Variants in CDH2 observed in about 807,000 individuals in gnomAD.
CDH2 encodes the protein cadherin 2.
In CDH2, 17 loss-of-function variants were observed where a neutral mutation model predicts 92.0. The observed-to-expected ratio is 0.18, with a 90% CI of 0.13 to 0.28. The LOEUF is 0.28. Ranked by LOEUF, CDH2 falls within the 10% of genes least tolerant of loss-of-function variation. The probability of loss-of-function intolerance (pLI) is 1.00; values close to 1 mark genes in which losing one functional copy is unlikely to be tolerated. For synonymous variants in CDH2, 419 were observed against 415.9 expected (o/e 1.01, Z -0.09); for missense variants, 862 against 1,133.1 (o/e 0.76, Z 3.44).
intron 6 of CDH2, among the ~76,000 whole-genome samples, chr18:27,940,919 T>C (rs559865749): frequency 3.9e-5 from 6 of 152,136 alleles, no homozygotes; most frequent in Non-Finnish European, 8.8e-5. Flanking sequence ...GCTCCATCTC[T>C]GACCTGTTTC....
chr18:27,996,129 C>T (rs1025546219), intron 7 of CDH2, among the ~76,000 whole-genome samples: 2 of 152,116 alleles, frequency 1.3e-5, no homozygotes, highest in African/African-American at 2.4e-5. Flanking sequence ...CCTTCCCTCT[C>T]CGAAACTCGC....
chr18:28,151,000 G>A (rs2016112309), intron 1 of CDH2, among the ~76,000 whole-genome samples: 1 of 152,184 alleles, frequency 6.6e-6, no homozygotes, highest in African/African-American at 2.4e-5. Flanking sequence ...CTCCCAGCTG[G>A]ACATAGTGGA....
intron 1 of CDH2, among the ~76,000 whole-genome samples, chr18:28,175,644 C>A (rs1454736801): frequency 6.6e-6 from 1 of 152,130 alleles, no homozygotes; most frequent in Non-Finnish European, 1.5e-5. Flanking sequence ...CGGGCCGGAG[C>A]GCGCCAGGCC....
intron 2 of CDH2, among the ~76,000 whole-genome samples, chr18:28,133,743 A>G (rs1366355013): frequency 1.3e-5 from 2 of 152,114 alleles, no homozygotes; most frequent in African/African-American, 2.4e-5. Flanking sequence ...TTCTGGGGCA[A>G]ACAAGAAGAT....
At chr18:28,073,212 C>T (rs2014654121) in intron 2 of CDH2, among the ~76,000 whole-genome samples, 1 of 152,070 alleles carries the variant, frequency 6.6e-6, no homozygotes, top group African/African-American at 2.4e-5. Flanking sequence ...GAAATATTTA[C>T]TACATCGATA....
chr18:27,996,164 C>T (rs2012575614), intron 7 of CDH2, among the ~76,000 whole-genome samples: 1 of 152,096 alleles, frequency 6.6e-6, no homozygotes, highest in South Asian at 2.1e-4. Context: ...TGATTCCTCC[C>T]ATTCGCTTAC....
chr18:28,133,678 G>A lies in CDH2; in HGVS notation c.172+13995C>T, dbSNP rs372323296. On this transcript the variant is annotated intron_variant, in intron 2 of 15. Transcript: ENST00000269141. ...TAGAGCCATGAATTCTCTTGTTTGC[G>A]TGCAGTTTTTGTTGCTTTCTAGTGC... Among the ~76,000 whole-genome samples the A allele has an allele frequency of 1.7e-3, 257 of 151,062 alleles. 2 individuals are homozygous for A. The highest frequency in any genetic ancestry group is 3.0e-3 in the Non-Finnish European group (203 of 67,870).
intron 2 of CDH2, among the ~76,000 whole-genome samples, chr18:28,101,459 A>T (rs779862488): frequency 7.2e-5 from 11 of 152,238 alleles, no homozygotes; most frequent in Middle Eastern, 3.4e-3. Context: ...CTGCACCTGT[A>T]TTCATTTATT....
At chr18:28,079,487 T>C (rs1002245502) in intron 2 of CDH2, among the ~76,000 whole-genome samples, 1 of 152,240 alleles carries the variant, frequency 6.6e-6, no homozygotes, top group Non-Finnish European at 1.5e-5. Context: ...CTTCCCTTGA[T>C]GCAAATTATT....
At chr18:28,110,619 T>C (rs2015395657) in intron 2 of CDH2, among the ~76,000 whole-genome samples, 1 of 152,290 alleles carries the variant, frequency 6.6e-6, no homozygotes, top group Middle Eastern at 3.4e-3. Context: ...ATCATGAATA[T>C]AGATGCTTTT....
intron 2 of CDH2, among the ~76,000 whole-genome samples, chr18:28,060,420 C>G (rs1422875273): frequency 6.6e-6 from 1 of 152,152 alleles, no homozygotes; most frequent in Non-Finnish European, 1.5e-5. Flanking sequence ...CTCCTGAACT[C>G]AAATGATCTG....
intron 1 of CDH2, among the ~76,000 whole-genome samples, chr18:28,166,172 A>ATATATATATG (rs1568024455): frequency 7.3e-6 from 1 of 136,968 alleles, no homozygotes. Flanking sequence ...ATATATATAT[A>ATATATATATG]TGTCTGTATT....
At chr18:28,090,998 A>G (rs1038446493) in intron 2 of CDH2, among the ~76,000 whole-genome samples, 3 of 152,216 alleles carry the variant, frequency 2.0e-5, no homozygotes, top group Non-Finnish European at 4.4e-5. Context: ...AATACCTAAT[A>G]TGCTAGTCCT....
chr18:27,956,347 T>A (rs575520804), intron 15 of CDH2, among the ~76,000 whole-genome samples: 78 of 152,224 alleles, frequency 5.1e-4, no homozygotes, highest in African/African-American at 1.8e-3. Context: ...CTCTGCAGAG[T>A]GAGAGAGCTT....
At chr18:28,117,034 A>G (rs149721191) in intron 2 of CDH2, among the ~76,000 whole-genome samples, 1 of 152,122 alleles carries the variant, frequency 6.6e-6, no homozygotes, top group Non-Finnish European at 1.5e-5. Flanking sequence ...ACAAATTACA[A>G]TGTATTTGAG....
At chr18:28,018,144 C>G (rs909611364) in intron 2 of CDH2, among the ~76,000 whole-genome samples, 1 of 150,658 alleles carries the variant, frequency 6.6e-6, no homozygotes, top group African/African-American at 2.4e-5. Context: ...CAAGAACTCA[C>G]CCCCTTTTAC....
chr18:27,981,056 T>A (rs2012035256), intron 14 of CDH2, among the ~76,000 whole-genome samples: 1 of 152,174 alleles, frequency 6.6e-6, no homozygotes, highest in South Asian at 2.1e-4. Context: ...TTAGGTGACA[T>A]TAAATACCCC....
intron 2 of CDH2, among the ~76,000 whole-genome samples, chr18:28,093,049 G>A (rs1332813789): frequency 2.0e-5 from 3 of 152,030 alleles, no homozygotes; most frequent in African/African-American, 7.3e-5. Flanking sequence ...CAACAGAGCG[G>A]TTGGACATTT....
intron 2 of CDH2, among the ~76,000 whole-genome samples, chr18:28,039,664 G>A (rs761704853): frequency 6.6e-6 from 1 of 152,100 alleles, no homozygotes; most frequent in Non-Finnish European, 1.5e-5. Flanking sequence ...TCAGTGCCAA[G>A]TCAGGATTTC....
Sources: gnomAD v4.1 joint callset for allele counts (sites outside exome capture counted in the v4.1 genomes callset) on GRCh38, gnomAD v4.1.1 for gene constraint, MANE v1.5 for transcripts, NCBI Gene and HGNC (gene_info 2026-07-23, HGNC 2026-07-21) for gene names.